WASHC2A: variants seen among roughly 807,000 people sequenced by gnomAD.
The protein encoded by WASHC2A is WASH complex subunit 2A, also known as WASH complex subunit FAM21A.
A neutral mutation model predicts 140.3 loss-of-function variants in WASHC2A; 82 were observed. The ratio of observed to expected loss-of-function variants is 0.58; its 90% CI spans 0.49 to 0.70. The LOEUF is 0.70. Ranked by LOEUF, WASHC2A falls within the 30% of genes least tolerant of loss-of-function variation. The pLI is 0.00. For synonymous variants in WASHC2A, 340 were observed against 560.8 expected (o/e 0.61, Z 5.56); for missense variants, 985 against 1,521.8 (o/e 0.65, Z 5.87).
Position 50,095,628 on chromosome 10 carries a change from G to C in WASHC2A, c.1270G>C (p.Val424Leu), listed in dbSNP as rs781931806. The C allele has an allele frequency of 2.0e-5, 33 of 1,611,670 alleles. No individual in the cohort carries two copies. Among genetic ancestry groups the C allele is most frequent in the South Asian group, 2.2e-5 (2 of 90,974 alleles). The change falls in exon 15 of 31, where the codon GTT becomes CTT. Residue 424 changes from valine (V) to leucine (L), a missense_variant. Val to Leu is a conservative substitution (Grantham distance 32). Coordinates refer to ENST00000282633, the MANE Select transcript of WASHC2A (RefSeq NM_001005751.3). ...CACGGATGTGTTTGGTGCTGCCTCC[G>C]TTCCATCAATGAAGGAGCCACAGAA... is the stretch of plus-strand genomic sequence containing the variant. The part of the protein sequence containing the change: ...GDTDVFGAAS[V>L]PSMKEPQKPE...
intron 4 of WASHC2A, among the ~76,000 whole-genome samples, chr10:50,079,614 G>A (rs1283524128): frequency 1.3e-4 from 20 of 152,154 alleles, no homozygotes; most frequent in Non-Finnish European, 2.2e-4. Context: ...GGCCAGGCTC[G>A]TCTCAAACTC....
At chr10:50,089,443 T>A (rs1177519154) in intron 8 of WASHC2A, among the ~76,000 whole-genome samples, 12 of 151,388 alleles carry the variant, frequency 7.9e-5, no homozygotes, top group East Asian at 3.9e-4. Flanking sequence ...AAAATTTTTT[T>A]AATTATACAT....
At chr10:50,076,090 T>A (rs553597074) in intron 3 of WASHC2A, among the ~76,000 whole-genome samples, 1 of 151,886 alleles carries the variant, frequency 6.6e-6, no homozygotes, top group Admixed American at 6.6e-5. Flanking sequence ...AATTTTTATA[T>A]TTTTAGTAAA....
At chr10:50,106,689 AG>A (rs1272073098) in intron 19 of WASHC2A, among the ~76,000 whole-genome samples, 12 of 139,272 alleles carry the variant, frequency 8.6e-5, no homozygotes, top group African/African-American at 3.0e-4. Context: ...CCCACACAAT[AG>A]TGTATGCTCC....
At chr10:50,080,512 G>A (rs1450191986) in intron 4 of WASHC2A, among the ~76,000 whole-genome samples, 1 of 133,502 alleles carries the variant, frequency 7.5e-6, no homozygotes, top group Non-Finnish European at 1.6e-5. Context: ...TTTTGTAGAC[G>A]ATGACCCTTG....
rs1188447536 is a variant in WASHC2A, at chr10:50,125,596, G to A, written c.2688+147G>A. On this transcript the variant is annotated intron_variant, in intron 25 of 30. Transcript: ENST00000282633. ...TGGCAAATAACATGCTGAGGGGAGC[G>A]TGTGTGGAGGATGCAATGCTTAGTT... The A allele has an allele frequency of 5.3e-5, 82 of 1,542,474 alleles. No individual in the cohort carries two copies. The East Asian group carries it at 1.5e-3, about 28-fold the overall frequency.
chr10:50,117,973 T>C lies in WASHC2A; in HGVS notation c.2210T>C (p.Leu737Pro). The C allele has an allele frequency of 1.3e-6, 2 of 1,585,428 alleles. No individual in the cohort carries two copies. The highest frequency in any genetic ancestry group is 1.4e-5 in the African/African-American group (1 of 73,172). Residue 737 changes from leucine to proline, a missense_variant, in exon 22 of 31, where the codon CTT becomes CCT. By Grantham distance (98) the Leu-to-Pro change is moderately conservative (BLOSUM62 -3). Coordinates refer to ENST00000282633, the MANE Select transcript of WASHC2A (RefSeq NM_001005751.3). ...GATGAAGAAGAGAAGGAGGCACAAC[T>C]TGGAGTGAAGTCTGTGGATAAGAAG... ...FSDEEEKEAQ[L>P]GVKSVDKKVE... is the part of the protein sequence containing the mutation.
rs1263035451 is a variant in WASHC2A, at chr10:50,099,414, C to T, written c.1549-564C>T. On this transcript the variant is annotated intron_variant, in intron 16 of 30. Transcript: ENST00000282633. ...CCTACCAAGTAGCTGGGACTATATG[C>T]GTGCGCCACCATGCCCGGCTAATTT... Among the ~76,000 whole-genome samples the T allele has an allele frequency of 1.3e-4, 20 of 150,808 alleles. No homozygotes were observed. The East Asian group carries it at 1.8e-3, about 13-fold the overall frequency.
At chr10:50,103,712 C>G (rs1841467608) in intron 17 of WASHC2A, among the ~76,000 whole-genome samples, 1 of 152,182 alleles carries the variant, frequency 6.6e-6, no homozygotes, top group African/African-American at 2.4e-5. Context: ...GGAAGCCATG[C>G]TTATATATTT....
In WASHC2A at chr10:50,133,282, A is replaced by G. The variant is rs1165558218; in HGVS notation, c.*337A>G. The G allele has an allele frequency of 3.7e-6, 2 of 545,276 alleles. No individual in the cohort carries two copies. Among genetic ancestry groups the G allele is most frequent in the African/African-American group, 1.9e-5 (1 of 52,646 alleles). 33.8% of individuals were successfully genotyped at this position (545,276 alleles called of 1,614,324 possible). On this transcript the variant is annotated 3_prime_UTR_variant, in exon 31 of 31. Coordinates refer to ENST00000282633, the MANE Select transcript of WASHC2A (RefSeq NM_001005751.3). ...GGGAATCCCAGAGATAGCAAATGCCACCTGACCAGAAGTCTTTGTTATATG... is the reference window on the plus strand; with the variant it reads ...GGGAATCCCAGAGATAGCAAATGCCGCCTGACCAGAAGTCTTTGTTATATG...
At chr10:50,109,953 G>T in intron 19 of WASHC2A, 148 bp from the exon 20 acceptor site, 5 of 1,114,826 alleles carry the variant, frequency 4.5e-6, no homozygotes, top group South Asian at 1.5e-5. Flanking sequence ...TGTATTTTTA[G>T]TAGAGACGGG....
chr10:50,087,188 G>T, intron 7 of WASHC2A, 87 bp from the exon 8 acceptor site: 1 of 1,572,086 alleles, frequency 6.4e-7, no homozygotes, highest in Non-Finnish European at 8.8e-7. Context: ...CATAGAATCA[G>T]CCTGCCCCAG....
At chr10:50,099,355 A>T (rs1840833898) in intron 16 of WASHC2A, among the ~76,000 whole-genome samples, 1 of 150,262 alleles carries the variant, frequency 6.7e-6, no homozygotes, top group Admixed American at 6.7e-5. Context: ...CTGCAGCCTC[A>T]ACCTCCTGGG....
chr10:50,123,255 T>C (rs1171225541), intron 23 of WASHC2A, among the ~76,000 whole-genome samples: 4 of 125,032 alleles, frequency 3.2e-5, no homozygotes, highest in Admixed American at 8.8e-5. Flanking sequence ...TGGGTACATA[T>C]CCAAGAGAAA....
chr10:50,111,814 G>A lies in WASHC2A; in HGVS notation c.2039+1544G>A, dbSNP rs1179287149. On this transcript the variant is annotated intron_variant, in intron 20 of 30. Coordinates refer to ENST00000282633, the MANE Select transcript of WASHC2A (RefSeq NM_001005751.3). ...GGAGGCCGAGGCAGGCAGATCACGA[G>A]GTCAGGAGTTGAAGAACAGCCTGAC... 1.2e-3 allele frequency among the ~76,000 whole-genome samples: 181 copies of A among 152,282 alleles called. 1 individual carries two copies. The Middle Eastern group carries it at 0.014, about 11-fold the overall frequency.
intron 15 of WASHC2A, 49 bp downstream of exon 15, chr10:50,095,827 T>C: frequency 1.3e-6 from 2 of 1,557,978 alleles, no homozygotes; most frequent in East Asian, 2.4e-5. Flanking sequence ...AAAAAGAACG[T>C]TGCCTAAAAA....
Position 50,133,392 on chromosome 10 carries a change from G to A in WASHC2A, c.*447G>A. The A allele has an allele frequency of 2.1e-6, 1 of 473,332 alleles. No homozygotes were observed. Among genetic ancestry groups the A allele is most frequent in the Non-Finnish European group, 4.3e-6 (1 of 230,078 alleles). 29.3% of individuals were successfully genotyped at this position (473,332 alleles called of 1,614,324 possible). Reference sequence around the variant, plus strand: ...CTTCATGAGTCTTAGCAATATGGGAGCAGGTTTTCACTGAATTCTGAGGGT... The same window carrying A: ...CTTCATGAGTCTTAGCAATATGGGAACAGGTTTTCACTGAATTCTGAGGGT... On this transcript the variant is annotated 3_prime_UTR_variant, in exon 31 of 31. Coordinates refer to ENST00000282633, the MANE Select transcript of WASHC2A (RefSeq NM_001005751.3).
At chr10:50,100,208 A>T in intron 17 of WASHC2A, 144 bp downstream of exon 17, 5 of 1,480,290 alleles carry the variant, frequency 3.4e-6, no homozygotes, top group Non-Finnish European at 4.6e-6. Context: ...AGAGGCCAGG[A>T]GTAGTGGTTC....
intron 30 of WASHC2A, 23 bp from the exon 31 acceptor site, chr10:50,132,783 G>C (rs543323104): frequency 6.2e-7 from 1 of 1,611,998 alleles, no homozygotes; most frequent in Non-Finnish European, 8.5e-7. Context: ...TTCAGCAACC[G>C]TTCTTCTTTT....
Sources: gnomAD v4.1 joint callset for allele counts (sites outside exome capture counted in the v4.1 genomes callset) on GRCh38, gnomAD v4.1.1 for gene constraint, MANE v1.5 for transcripts, NCBI Gene and HGNC (gene_info 2026-07-23, HGNC 2026-07-21) for gene names.